The following EBF2 variants were observed in gnomAD, a reference collection of about 807,000 sequenced individuals.
EBF2 encodes transcription factor COE2.
A neutral mutation model predicts 72.8 loss-of-function variants in EBF2; 21 were observed. The ratio of observed to expected loss-of-function variants is 0.29; its 90% CI spans 0.20 to 0.42. The LOEUF is 0.42. Ranked by LOEUF, EBF2 falls within the 10% of genes least tolerant of loss-of-function variation. The pLI is 1.00. For synonymous variants in EBF2, 299 were observed against 274.2 expected, an observed-to-expected ratio of 1.09 and a Z score of -0.89; for missense variants, 637 against 731.2, an observed-to-expected ratio of 0.87 and a Z score of 1.49.
intron 10 of EBF2, among the ~76,000 whole-genome samples, chr8:25,882,165 A>C (rs560630014): frequency 7.2e-5 from 11 of 152,274 alleles, no homozygotes; most frequent in Admixed American, 3.3e-4. Context: ...CTGGGGCTTC[A>C]GCTGTAAAAT....
At chr8:26,004,105 A>G (rs1027807618) in intron 6 of EBF2, among the ~76,000 whole-genome samples, 2 of 117,112 alleles carry the variant, frequency 1.7e-5, no homozygotes, top group African/African-American at 3.4e-5. Context: ...CAAGACTGAC[A>G]TGTTAAAAAA....
At chr8:26,041,957 G>T in intron 2 of EBF2, 138 bp downstream of exon 2, 2 of 1,303,392 alleles carry the variant, frequency 1.5e-6, no homozygotes, top group Non-Finnish European at 2.1e-6. Context: ...TGATTTAGAG[G>T]CTGGGGGTGA....
At chr8:26,019,164 CAAG>C (rs1805165112) in intron 6 of EBF2, among the ~76,000 whole-genome samples, 1 of 152,026 alleles carries the variant, frequency 6.6e-6, no homozygotes, top group Non-Finnish European at 1.5e-5. Context: ...CATCAAATGC[CAAG>C]AAGCTTTTAG....
At chr8:25,959,948 C>G (rs1804011213) in intron 6 of EBF2, among the ~76,000 whole-genome samples, 1 of 152,226 alleles carries the variant, frequency 6.6e-6, no homozygotes, top group Non-Finnish European at 1.5e-5. Context: ...GGGGCATATC[C>G]AAGGGTAAAC....
chr8:25,917,199 G>GTTTTT (rs3034248), intron 6 of EBF2, among the ~76,000 whole-genome samples: 1 of 143,136 alleles, frequency 7.0e-6, no homozygotes, highest in Non-Finnish European at 1.5e-5. Context: ...GTGGTTTGGG[G>GTTTTT]TTTTTTTTTT....
intron 6 of EBF2, among the ~76,000 whole-genome samples, chr8:25,934,140 G>T (rs1354310868): frequency 6.6e-6 from 1 of 151,800 alleles, no homozygotes; most frequent in Admixed American, 6.6e-5. Context: ...CTCCCTTTGA[G>T]GGAAAAAGAA....
intron 6 of EBF2, among the ~76,000 whole-genome samples, chr8:25,920,649 G>A (rs1391704182): frequency 6.6e-6 from 1 of 152,170 alleles, no homozygotes; most frequent in African/African-American, 2.4e-5. Context: ...AAATTTGGTG[G>A]CATTTAAGCA....
At chr8:26,040,703 C>G in intron 3 of EBF2, 32 bp from the exon 4 acceptor site, 1 of 1,550,730 alleles carries the variant, frequency 6.4e-7, no homozygotes. Context: ...GAGTCAAGGG[C>G]CGTAGAGCCC....
At chr8:25,993,802 G>C (rs566244647) in intron 6 of EBF2, among the ~76,000 whole-genome samples, 2 of 151,906 alleles carry the variant, frequency 1.3e-5, no homozygotes, top group Admixed American at 1.3e-4. Context: ...ATGTCTTTTG[G>C]GGGGGTGGGG....
At chr8:25,907,425 A>C (rs1280326105) in intron 7 of EBF2, among the ~76,000 whole-genome samples, 2 of 109,834 alleles carry the variant, frequency 1.8e-5, no homozygotes, top group Non-Finnish European at 3.3e-5. Context: ...GCCTCAAAAA[A>C]AAAAAAAAAA....
At chr8:25,935,482 C>T (rs373343771) in intron 6 of EBF2, among the ~76,000 whole-genome samples, 39 of 152,126 alleles carry the variant, frequency 2.6e-4, no homozygotes, top group African/African-American at 8.2e-4. Flanking sequence ...GAGGGAGGCA[C>T]AGAACAATGA....
chr8:25,852,321 A>G (rs1801998678), intron 14 of EBF2, among the ~76,000 whole-genome samples: 1 of 150,600 alleles, frequency 6.6e-6, no homozygotes, highest in South Asian at 2.1e-4. Flanking sequence ...AAAATCCAAA[A>G]GCAAAAAATC....
In EBF2 at chr8:25,858,617, G is replaced by A. The variant is rs956106838; in HGVS notation, c.1343-113C>T. 6.1e-5 allele frequency: 57 copies of A among 940,084 alleles called. No individual in the cohort carries two copies. The African/African-American group carries it at 7.3e-4, about 12-fold the overall frequency. The allele number at this position is 940,084 out of a possible 1,614,324, so 58.2% of individuals were successfully genotyped here. A position where few individuals can be genotyped will look rare whatever the true frequency, so the allele number is the denominator to read the frequency against. ...ACTGCAGAATGTCACCAGCTGCCCC[G>A]GGCAGTTGTAGGAAGTGTGCAGTCC... On this transcript the variant is annotated intron_variant, in intron 13 of 15. Coordinates refer to ENST00000520164, the MANE Select transcript of EBF2 (RefSeq NM_022659.4).
intron 10 of EBF2, among the ~76,000 whole-genome samples, chr8:25,870,832 G>A (rs1034097234): frequency 1.7e-4 from 26 of 152,092 alleles, no homozygotes; most frequent in African/African-American, 6.0e-4. Flanking sequence ...GCAGGTCCCT[G>A]CCAGACTTCA....
At chr8:25,911,345 ACAAAGCTTCTGAT>A (rs1212222670) in intron 6 of EBF2, among the ~76,000 whole-genome samples, 8 of 152,236 alleles carry the variant, frequency 5.3e-5, no homozygotes, top group African/African-American at 1.9e-4. Context: ...GCTACACACG[ACAAAGCTTCTGAT>A]CCCATTCCTT....
chr8:25,945,094 C>CA lies in EBF2; in HGVS notation c.552-36540_552-36539insT, dbSNP rs959469684. ...GTGAAAAGATTGTTCTGTTGCCCCC[C>CA]CCGCCCCACCCCAGACTCCTATGTT... On this transcript the variant is annotated intron_variant, in intron 6 of 15. Coordinates refer to ENST00000520164, the MANE Select transcript of EBF2 (RefSeq NM_022659.4). 2.7e-4 allele frequency among the ~76,000 whole-genome samples: 38 copies of CA among 140,982 alleles called. No individual in the cohort carries two copies. In the East Asian group the frequency reaches 7.7e-3, roughly 29 times the overall value. 92.5% of individuals were successfully genotyped at this position (140,982 alleles called of 152,430 possible).
intron 6 of EBF2, among the ~76,000 whole-genome samples, chr8:26,024,737 G>C (rs1300787672): frequency 1.3e-5 from 2 of 152,150 alleles, no homozygotes; most frequent in East Asian, 3.9e-4. Flanking sequence ...TGCAATGTGA[G>C]ATACAGGATA....
At chr8:25,898,946 G>C (rs528659353) in intron 7 of EBF2, among the ~76,000 whole-genome samples, 1 of 152,326 alleles carries the variant, frequency 6.6e-6, no homozygotes, top group Non-Finnish European at 1.5e-5. Context: ...TGAGCATTTA[G>C]ATTGTGTTTC....
intron 6 of EBF2, among the ~76,000 whole-genome samples, chr8:25,917,992 G>A (rs1411360958): frequency 6.6e-6 from 1 of 152,196 alleles, no homozygotes; most frequent in Non-Finnish European, 1.5e-5. Flanking sequence ...TGGAGATTTG[G>A]AAAGGGAATC....
Sources: gnomAD v4.1 joint callset for allele counts (sites outside exome capture counted in the v4.1 genomes callset) on GRCh38, gnomAD v4.1.1 for gene constraint, MANE v1.5 for transcripts, NCBI Gene and HGNC (gene_info 2026-07-23, HGNC 2026-07-21) for gene names.